CABIN1: variants seen among roughly 807,000 people sequenced by gnomAD.
CABIN1 encodes the protein calcineurin binding protein 1, also known as calcineurin-binding protein cabin-1.
Under a neutral mutation model 227.7 loss-of-function variants are expected in CABIN1, and 133 were observed. That is an observed-to-expected ratio of 0.58 (90% CI 0.51 to 0.67). The LOEUF (loss-of-function observed/expected upper bound fraction) is 0.67, where lower values mean the gene tolerates loss of function less well. CABIN1 is among the 30% of genes least tolerant of loss of function. CABIN1 has a pLI of 0.00. For synonymous variants in CABIN1, 1,086 were observed against 1,155.1 expected (o/e 0.94, Z 1.21); for missense variants, 2,408 against 2,852.5 (o/e 0.84, Z 3.55).
intron 4 of CABIN1, among the ~76,000 whole-genome samples, chr22:24,040,069 A>G (rs528950048): frequency 5.9e-5 from 9 of 152,312 alleles, no homozygotes; most frequent in East Asian, 5.8e-4. Flanking sequence ...GTGCATGTCC[A>G]TGTGTATTGC....
At chr22:24,139,761 T>C (rs1477114844) in intron 29 of CABIN1, among the ~76,000 whole-genome samples, 6 of 152,218 alleles carry the variant, frequency 3.9e-5, no homozygotes, top group Non-Finnish European at 8.8e-5. Context: ...GTCTTTGTGC[T>C]GTTGCTGTGT....
chr22:24,121,075 C>G (rs918557065), intron 28 of CABIN1, among the ~76,000 whole-genome samples: 2 of 151,900 alleles, frequency 1.3e-5, no homozygotes, highest in African/African-American at 4.8e-5. Context: ...CCAGAGAGGG[C>G]CAGGTATGCT....
Position 24,171,875 on chromosome 22 carries a change from A to C in CABIN1, c.5920A>C (p.Thr1974Pro). ...GCCTCGCCCTGCACTAGCTGCCGCC[A>C]CAACTATTATCACCTGCCCTCCGTC... is the stretch of plus-strand genomic sequence containing the variant. ...TKPRPALAAA[T>P]TIITCPPSAS... is the part of the protein sequence containing the mutation. Residue 1974 changes from threonine (T) to proline (P), a missense_variant, in exon 34 of 37, where the codon ACA becomes CCA. This residue lies in a region of CABIN1 where 714 missense variants were observed against 773.8 expected (regional missense o/e 0.92). Transcript: ENST00000263119. 1.2e-6 allele frequency: 2 copies of C among 1,614,090 alleles called. No individual in the cohort carries two copies. The highest frequency in any genetic ancestry group is 8.5e-7 in the Non-Finnish European group (1 of 1,180,028).
At chr22:24,066,079 A>AT (rs2039657171) in intron 15 of CABIN1, among the ~76,000 whole-genome samples, 1 of 152,170 alleles carries the variant, frequency 6.6e-6, no homozygotes, top group Non-Finnish European at 1.5e-5. Flanking sequence ...TTTAAATGGT[A>AT]TTTTTTAGTC....
At chr22:24,077,942 G>A (rs1466923044) in intron 19 of CABIN1, among the ~76,000 whole-genome samples, 1 of 152,184 alleles carries the variant, frequency 6.6e-6, no homozygotes. Context: ...TGAGGGAGTA[G>A]AAGTGAGTTG....
chr22:24,071,800 CT>C (rs1282939140), intron 17 of CABIN1, among the ~76,000 whole-genome samples: 1 of 152,204 alleles, frequency 6.6e-6, no homozygotes, highest in African/African-American at 2.4e-5. Context: ...GTCTCTCCCC[CT>C]GGTCTTGTGC....
At chr22:24,172,045 A>G (rs1231007987) in intron 34 of CABIN1, 50 bp downstream of exon 34, 1 of 1,580,732 alleles carries the variant, frequency 6.3e-7, no homozygotes, top group Admixed American at 1.8e-5. Context: ...GCCACCATCA[A>G]GTCCTCCCTG....
chr22:24,087,521 G>C lies in CABIN1; in HGVS notation c.3333G>C (p.Glu1111Asp). The stretch of plus-strand genomic sequence containing the variant: ...TTCAGGACAAGCTGAACTCCAATGA[G>C]CTGAAGAGTGATGGGCCCATTTGGA... ...SRIQDKLNSN[E>D]LKSDGPIWKH... Residue 1111 changes from glutamate to aspartate, a missense_variant, in exon 23 of 37, where the codon GAG (glutamate) becomes GAC (aspartate). By Grantham distance (45) the Glu-to-Asp change is conservative. Coordinates refer to ENST00000263119, the MANE Select transcript of CABIN1 (RefSeq NM_012295.4). 3 of 1,614,240 alleles carry C rather than the reference G, an allele frequency of 1.9e-6. No individual in the cohort carries two copies. The highest frequency in any genetic ancestry group is 2.5e-6 in the Non-Finnish European group (3 of 1,180,044).
In CABIN1 at chr22:24,171,739, A is replaced by T; in HGVS notation, c.5784A>T (p.Pro1928=). Residue 1928 remains proline (P), a synonymous_variant, in exon 34 of 37, where the codon CCA becomes CCT. Transcript: ENST00000263119. ...RQASGDTPTT[P]KHPKDSRENF... ...CCTCGGGGGACACCCCCACCACTCC[A>T]AAGCACCCCAAAGACAGCCGAGAGA... 2 of 1,614,116 alleles carry T rather than the reference A, an allele frequency of 1.2e-6. No homozygotes were observed. The highest frequency in any genetic ancestry group is 1.7e-6 in the Non-Finnish European group (2 of 1,180,012).
intron 31 of CABIN1, 78 bp downstream of exon 31, chr22:24,165,704 C>T (rs1009551723): frequency 2.8e-5 from 33 of 1,170,162 alleles, no homozygotes; most frequent in Admixed American, 3.9e-5. Flanking sequence ...GGGCCCGATC[C>T]CTCTATTTGC....
intron 27 of CABIN1, among the ~76,000 whole-genome samples, chr22:24,116,513 A>G (rs1000790171): frequency 6.6e-6 from 1 of 152,214 alleles, no homozygotes; most frequent in Non-Finnish European, 1.5e-5. Context: ...TGACCTGCCA[A>G]TGCCCAGCTT....
intron 1 of CABIN1, among the ~76,000 whole-genome samples, chr22:24,028,139 A>G (rs1270840534): frequency 2.6e-5 from 4 of 152,230 alleles, no homozygotes; most frequent in African/African-American, 9.7e-5. Flanking sequence ...AAAAAAATGT[A>G]CATACCTTAG....
At chr22:24,140,191 G>A (rs1004446512) in intron 29 of CABIN1, among the ~76,000 whole-genome samples, 2 of 152,236 alleles carry the variant, frequency 1.3e-5, no homozygotes, top group Non-Finnish European at 2.9e-5. Flanking sequence ...TAAGGATCGA[G>A]TGAGTGGGAC....
rs542054864 is a variant in CABIN1, at chr22:24,161,430, G to A, written c.4747-2970G>A. 2.6e-5 allele frequency among the ~76,000 whole-genome samples: 4 copies of A among 152,328 alleles called. No homozygotes were observed. The East Asian group carries it at 7.7e-4, about 29-fold the overall frequency. ...AGACAGCAAGTGTGCCTGTGGAACT[G>A]GGAGAGGCGAGGCAAGGGGTACGGC... On this transcript the variant is annotated intron_variant, in intron 29 of 36. Coordinates refer to ENST00000263119, the MANE Select transcript of CABIN1 (RefSeq NM_012295.4).
intron 9 of CABIN1, 81 bp from the exon 10 acceptor site, chr22:24,056,111 G>T: frequency 8.5e-7 from 1 of 1,176,066 alleles, no homozygotes. Flanking sequence ...ATTTATAAAA[G>T]AGGGAGATTG....
Position 24,067,104 on chromosome 22 carries a change from A to T in CABIN1, c.2155A>T (p.Ser719Cys). The T allele has an allele frequency of 1.2e-6, 2 of 1,614,224 alleles. No individual in the cohort carries two copies. Among genetic ancestry groups the T allele is most frequent in the Non-Finnish European group, 1.7e-6 (2 of 1,180,038 alleles). ...VHLLRPTLCTSGFDRAKHLEF... is the reference protein window; with the variant it reads ...VHLLRPTLCTCGFDRAKHLEF... ...TCTGCTCCGCCCCACTTTGTGCACC[A>T]GTGGGTTTGACCGGGCCAAACACCT... Residue 719 changes from serine (S) to cysteine (C), a missense_variant, in exon 16 of 37, where the codon AGT becomes TGT. Around this residue, in one of 3 missense-constraint regions of CABIN1, gnomAD observed 1,045 missense variants for 1,168.4 expected, o/e 0.89. Transcript: ENST00000263119.
chr22:24,118,754 C>T (rs958660190), intron 27 of CABIN1, among the ~76,000 whole-genome samples: 5 of 152,222 alleles, frequency 3.3e-5, no homozygotes, highest in Admixed American at 1.3e-4. Flanking sequence ...TGGGGCCAGC[C>T]GTGCAGCACC....
In CABIN1 at chr22:24,098,197, A is replaced by G; in HGVS notation, c.4117+5A>G. The G allele has an allele frequency of 6.2e-7, 1 of 1,613,292 alleles. No homozygotes were observed. Among genetic ancestry groups the G allele is most frequent in the Non-Finnish European group, 8.5e-7 (1 of 1,179,636 alleles). On this transcript the variant is annotated splice_donor_5th_base_variant and intron_variant, in intron 26 of 36. Coordinates refer to ENST00000263119, the MANE Select transcript of CABIN1 (RefSeq NM_012295.4). Reference sequence around the variant, plus strand: ...ACCAGCAGGCAACGCCGGACGGTACAGTCCCTGTTCTCCCTACTGCCAGCC... The same window carrying G: ...ACCAGCAGGCAACGCCGGACGGTACGGTCCCTGTTCTCCCTACTGCCAGCC...
rs184084007 is a variant in CABIN1, at chr22:24,077,996, A to G, written c.2748+1712A>G. 1.6e-4 allele frequency among the ~76,000 whole-genome samples: 25 copies of G among 152,226 alleles called. 1 individual carries two copies. Among genetic ancestry groups the G allele is most frequent in the Admixed American group, 2.6e-4 (4 of 15,292 alleles). On this transcript the variant is annotated intron_variant, in intron 19 of 36. Transcript: ENST00000263119. ...TTTGTAGTTCCTGATTTTCCTGCCC[A>G]AGGCCCAGCCTTTACATTTCTCCAA...
Sources: allele counts gnomAD v4.1 joint callset (sites outside exome capture counted in the v4.1 genomes callset), GRCh38; gene constraint gnomAD v4.1.1; regional missense constraint gnomAD v4.1.1; transcripts MANE v1.5; gene names NCBI Gene and HGNC (gene_info 2026-07-23, HGNC 2026-07-21).